WNT2: variants seen among roughly 807,000 people sequenced by gnomAD.
The protein encoded by WNT2 is Wnt family member 2.
A neutral mutation model predicts 36.9 loss-of-function variants in WNT2; 12 were observed. The ratio of observed to expected loss-of-function variants is 0.33; its 90% CI spans 0.21 to 0.53. The LOEUF (loss-of-function observed/expected upper bound fraction) is 0.53, where lower values mean the gene tolerates loss of function less well. WNT2 is among the 20% of genes least tolerant of loss of function. The pLI is 0.95. For synonymous variants in WNT2, 163 were observed against 174.6 expected, an observed-to-expected ratio of 0.93 and a Z score of 0.52; for missense variants, 379 against 473.1, an observed-to-expected ratio of 0.80 and a Z score of 1.84.
At chr7:117,304,699 G>T (rs1245505669) in intron 3 of WNT2, among the ~76,000 whole-genome samples, 1 of 152,146 alleles carries the variant, frequency 6.6e-6, no homozygotes, top group Middle Eastern at 3.2e-3. Context: ...GCCTCCCAAA[G>T]TGCTGGGATT....
At chr7:117,300,176 CTT>C (rs1223430854) in intron 3 of WNT2, among the ~76,000 whole-genome samples, 1 of 152,066 alleles carries the variant, frequency 6.6e-6, no homozygotes, top group Non-Finnish European at 1.5e-5. Context: ...TTTCTTCACT[CTT>C]TATTTTTTAT....
In WNT2 at chr7:117,284,633, T is replaced by A. The variant is rs1230615786; in HGVS notation, c.854-6249A>T. On this transcript the variant is annotated intron_variant, in intron 4 of 4. Transcript: ENST00000265441. This position sits in a 1 kb window ranked among gnomAD's most constrained non-coding sequence, Gnocchi z 5.2. ...GTTCATTCATCCTTTCTCACTTTTT[T>A]TTCCCATTCCTTCTTCTTCTTTCTT... Among the ~76,000 whole-genome samples, 1 of 152,208 alleles carries A rather than the reference T, an allele frequency of 6.6e-6. No individual in the cohort carries two copies. The highest frequency in any genetic ancestry group is 6.5e-5 in the Admixed American group (1 of 15,272).
intron 2 of WNT2, among the ~76,000 whole-genome samples, chr7:117,319,237 T>C (rs950509634): frequency 2.0e-5 from 3 of 152,254 alleles, no homozygotes; most frequent in African/African-American, 7.2e-5. Flanking sequence ...TCCATGAAGC[T>C]GAAATTTATT....
chr7:117,295,953 T>C (rs187989780), intron 4 of WNT2, among the ~76,000 whole-genome samples: 1 of 152,344 alleles, frequency 6.6e-6, no homozygotes, highest in East Asian at 1.9e-4. Flanking sequence ...TGTATTGCTG[T>C]CATAGGGCTG....
chr7:117,287,209 T>C (rs937748536), intron 4 of WNT2, among the ~76,000 whole-genome samples: 12 of 152,118 alleles, frequency 7.9e-5, no homozygotes, highest in African/African-American at 2.7e-4. Context: ...TAGCTGGGCA[T>C]GGTGGCGTGC....
intron 4 of WNT2, among the ~76,000 whole-genome samples, chr7:117,288,169 T>G (rs577920481): frequency 6.6e-6 from 1 of 152,310 alleles, no homozygotes; most frequent in African/African-American, 2.4e-5. Flanking sequence ...TGGCACATTT[T>G]TAAATGATAG....
intron 3 of WNT2, among the ~76,000 whole-genome samples, chr7:117,298,108 T>C (rs1794829314): frequency 1.3e-5 from 2 of 152,146 alleles, no homozygotes; most frequent in African/African-American, 4.8e-5. Context: ...CCTAACTGTG[T>C]ACCCCACTGG....
intron 3 of WNT2, among the ~76,000 whole-genome samples, chr7:117,298,177 A>T (rs1383980214): frequency 6.6e-6 from 1 of 152,234 alleles, no homozygotes; most frequent in Non-Finnish European, 1.5e-5. Flanking sequence ...TAGAAGAGTG[A>T]GGGATTGAAT....
intron 4 of WNT2, among the ~76,000 whole-genome samples, chr7:117,292,786 G>C (rs564658865): frequency 3.9e-5 from 6 of 152,280 alleles, no homozygotes; most frequent in African/African-American, 1.4e-4. Context: ...GACATGGTGG[G>C]AGATGTTTTT....
intron 4 of WNT2, among the ~76,000 whole-genome samples, chr7:117,279,285 T>C (rs1367415238): frequency 1.3e-5 from 2 of 152,354 alleles, no homozygotes; most frequent in Non-Finnish European, 1.5e-5. Context: ...GAACAAAGCA[T>C]TGTAGACATT....
chr7:117,294,593 TA>T (rs5886850), intron 4 of WNT2, among the ~76,000 whole-genome samples: 80,972 of 128,344 alleles, frequency 0.63, 23,802 homozygotes, highest in East Asian at 0.73. Context: ...AACTGGCAAC[TA>T]AAAAAAAAAA....
chr7:117,278,503 C>A (rs955069043), intron 4 of WNT2, 119 bp from the exon 5 acceptor site: 3 of 990,484 alleles, frequency 3.0e-6, no homozygotes, highest in Non-Finnish European at 4.4e-6. Flanking sequence ...CTTCCTACAG[C>A]CTGGGGCTGT....
chr7:117,287,922 A>G (rs1794616109), intron 4 of WNT2, among the ~76,000 whole-genome samples: 1 of 152,136 alleles, frequency 6.6e-6, no homozygotes, highest in African/African-American at 2.4e-5. Flanking sequence ...CAGAAGGCAG[A>G]GGTTGCAGTG....
chr7:117,320,426 G>A, intron 2 of WNT2, 141 bp downstream of exon 2: 1 of 811,252 alleles, frequency 1.2e-6, no homozygotes, highest in Non-Finnish European at 2.0e-6. Context: ...CTCACCTGTA[G>A]AACAGGGACA....
intron 2 of WNT2, among the ~76,000 whole-genome samples, chr7:117,316,786 C>T (rs1473103956): frequency 6.6e-6 from 1 of 152,110 alleles, no homozygotes; most frequent in Non-Finnish European, 1.5e-5. Context: ...TATGACTATT[C>T]GCCATAGGTA....
chr7:117,323,010 A>G lies in WNT2; in HGVS notation c.-21T>C. ...TTCATATTAACCCCCTTGCGTCTGC[A>G]TCAGGTCAGACTCCGTGTGCGGGCG... On this transcript the variant is annotated 5_prime_UTR_variant, in exon 1 of 5. It removes an upstream start codon present in the reference 5' UTR. Coordinates refer to ENST00000265441, the MANE Select transcript of WNT2 (RefSeq NM_003391.3). 1 of 1,602,554 alleles carries G rather than the reference A, an allele frequency of 6.2e-7. No homozygotes were observed.
At chr7:117,304,592 C>T (rs915667831) in intron 3 of WNT2, among the ~76,000 whole-genome samples, 8 of 152,102 alleles carry the variant, frequency 5.3e-5, no homozygotes, top group East Asian at 1.9e-4. Flanking sequence ...TCCGCCACCA[C>T]GCCCAGCTAA....
At chr7:117,294,945 C>A (rs184999724) in intron 4 of WNT2, among the ~76,000 whole-genome samples, 143 of 152,104 alleles carry the variant, frequency 9.4e-4, no homozygotes, top group African/African-American at 2.6e-3. Context: ...ACAAAAATTA[C>A]CCAGTCGTGG....
At chr7:117,318,589 G>A (rs1795263191) in intron 2 of WNT2, among the ~76,000 whole-genome samples, 3 of 152,218 alleles carry the variant, frequency 2.0e-5, no homozygotes, top group Admixed American at 2.0e-4. Flanking sequence ...CCAGGCTGGA[G>A]TGCAGTGGCA....
Sources: allele counts gnomAD v4.1 joint callset (sites outside exome capture counted in the v4.1 genomes callset), GRCh38; gene constraint gnomAD v4.1.1; non-coding constraint Gnocchi (gnomAD v3.1); transcripts MANE v1.5; gene names NCBI Gene and HGNC (gene_info 2026-07-23, HGNC 2026-07-21).